The following PTAFR variants were observed in gnomAD, a reference collection of about 807,000 sequenced individuals.
The protein encoded by PTAFR is platelet activating factor receptor.
In PTAFR, 8 loss-of-function variants were observed where a neutral mutation model predicts 14.7. The observed-to-expected ratio is 0.54, with a 90% confidence interval of 0.32 to 0.98. The LOEUF is 0.98. PTAFR is among the 50% of genes least tolerant of loss of function. PTAFR has a pLI of 0.04. For missense variants in PTAFR, 337 were observed against 451.2 expected, an observed-to-expected ratio of 0.75 and a Z score of 2.29; for synonymous variants, 156 against 176.5, an observed-to-expected ratio of 0.88 and a Z score of 0.92.
At chr1:28,193,487 T>A (rs371582754) in intron 1 of PTAFR, among the ~76,000 whole-genome samples, 1 of 151,994 alleles carries the variant, frequency 6.6e-6, no homozygotes, top group African/African-American at 2.4e-5. Flanking sequence ...GTGTGAGGAA[T>A]GCTGCGTCTG....
intron 1 of PTAFR, among the ~76,000 whole-genome samples, chr1:28,158,303 AG>A (rs1646288725): frequency 6.6e-6 from 1 of 152,248 alleles, no homozygotes; most frequent in Non-Finnish European, 1.5e-5. Context: ...ACTGCGGGAC[AG>A]AGGCCTGGAA....
intron 1 of PTAFR, among the ~76,000 whole-genome samples, chr1:28,171,398 T>C (rs1030821880): frequency 1.3e-4 from 20 of 152,024 alleles, no homozygotes; most frequent in Non-Finnish European, 7.4e-5. Context: ...GCTAGGCATA[T>C]AGAAGGTACT....
intron 1 of PTAFR, among the ~76,000 whole-genome samples, chr1:28,193,420 G>A (rs957807058): frequency 7.2e-5 from 11 of 152,010 alleles, no homozygotes; most frequent in African/African-American, 2.4e-4. Flanking sequence ...GGATGATGAG[G>A]GTCTGTTGTG....
chr1:28,181,723 C>T (rs1646564249), intron 1 of PTAFR, among the ~76,000 whole-genome samples: 2 of 151,854 alleles, frequency 1.3e-5, no homozygotes, highest in Admixed American at 1.3e-4. Flanking sequence ...GCCTGGGCAA[C>T]AAGAGCGAAA....
At chr1:28,163,741 G>A (rs1331075628) in intron 1 of PTAFR, among the ~76,000 whole-genome samples, 2 of 152,214 alleles carry the variant, frequency 1.3e-5, no homozygotes, top group Non-Finnish European at 2.9e-5. Context: ...TGGAGCCAGG[G>A]GAGGGGACTG....
At chr1:28,154,192 A>G (rs1278946756) in intron 1 of PTAFR, among the ~76,000 whole-genome samples, 1 of 151,798 alleles carries the variant, frequency 6.6e-6, no homozygotes, top group African/African-American at 2.4e-5. Context: ...GTACTACCTC[A>G]TTTGAGTCTC....
Position 28,149,325 on chromosome 1 carries a change from C to G in PTAFR, c.*668G>C, listed in dbSNP as rs74677855. 2.9e-5 allele frequency: 2 copies of G among 69,554 alleles called. No homozygotes were observed. The highest frequency in any genetic ancestry group is 5.2e-5 in the Non-Finnish European group (2 of 38,788). The allele number at this position is 69,554 out of a possible 1,614,324, so 4.3% of individuals were successfully genotyped here. A position where few individuals can be genotyped will look rare whatever the true frequency, so the allele number is the denominator to read the frequency against. On this transcript the variant is annotated 3_prime_UTR_variant, in exon 2 of 2. Transcript: ENST00000373857. ...ATCACTTGAGAGTAGTTGCCCAAAG[C>G]TTTTTTTTTTTTTTTTTTTTTTTTT...
intron 1 of PTAFR, among the ~76,000 whole-genome samples, chr1:28,175,892 C>G (rs1274351744): frequency 6.6e-6 from 1 of 152,054 alleles, no homozygotes; most frequent in East Asian, 1.9e-4. Context: ...CACAGCTAGT[C>G]AAGTAGATGT....
intron 1 of PTAFR, among the ~76,000 whole-genome samples, chr1:28,164,149 C>T (rs943760746): frequency 2.0e-5 from 3 of 152,116 alleles, no homozygotes; most frequent in Non-Finnish European, 2.9e-5. Context: ...GAGGGACCAT[C>T]GGGAGATGGA....
At chr1:28,180,453 T>C (rs1478868818), upstream of PTAFR, among the ~76,000 whole-genome samples, 1 of 152,148 alleles carries the variant, frequency 6.6e-6, no homozygotes, top group African/African-American at 2.4e-5. Flanking sequence ...AAATAAATAC[T>C]CAAACCTTTC....
intron 1 of PTAFR, among the ~76,000 whole-genome samples, chr1:28,170,624 G>A (rs1314109297): frequency 6.6e-6 from 1 of 151,896 alleles, no homozygotes; most frequent in Non-Finnish European, 1.5e-5. Flanking sequence ...GAGGCTGCAG[G>A]ATCACTTGGG....
chr1:28,192,995 G>A (rs1275616884), intron 1 of PTAFR, among the ~76,000 whole-genome samples: 2 of 152,186 alleles, frequency 1.3e-5, no homozygotes, highest in African/African-American at 4.8e-5. Context: ...TAGTGCGGCT[G>A]GGACCCCCGG....
upstream of PTAFR, among the ~76,000 whole-genome samples, chr1:28,180,792 C>A (rs1305278052): frequency 2.0e-5 from 3 of 150,884 alleles, no homozygotes; most frequent in Non-Finnish European, 2.9e-5. Flanking sequence ...GTGGAATTTG[C>A]TTTAAAATAT....
intron 1 of PTAFR, among the ~76,000 whole-genome samples, chr1:28,173,125 A>AAT (rs1646470104): frequency 6.7e-6 from 1 of 149,942 alleles, no homozygotes; most frequent in Non-Finnish European, 1.5e-5. Flanking sequence ...AAAAAAAAAA[A>AAT]AAAGTTTTTT....
chr1:28,157,017 C>G (rs192060028), intron 1 of PTAFR, among the ~76,000 whole-genome samples: 207 of 152,298 alleles, frequency 1.4e-3, no homozygotes, highest in African/African-American at 4.5e-3. Flanking sequence ...ACCCTGCCTG[C>G]CCACGCCTAT....
chr1:28,175,004 G>A (rs1481883518), intron 1 of PTAFR, among the ~76,000 whole-genome samples: 2 of 152,150 alleles, frequency 1.3e-5, no homozygotes, highest in Non-Finnish European at 2.9e-5. Flanking sequence ...TCAGCTCACT[G>A]CAACCTCCGC....
At chr1:28,188,855 A>G (rs1646627688) in intron 1 of PTAFR, among the ~76,000 whole-genome samples, 1 of 152,216 alleles carries the variant, frequency 6.6e-6, no homozygotes, top group Non-Finnish European at 1.5e-5. Context: ...GAAAAACCCA[A>G]TAGAAAAATG....
intron 1 of PTAFR, among the ~76,000 whole-genome samples, chr1:28,162,552 A>T (rs1646336005): frequency 6.6e-6 from 1 of 152,112 alleles, no homozygotes; most frequent in Admixed American, 6.6e-5. Context: ...TTGGCCGGGC[A>T]TGGTGGCTCA....
At chr1:28,152,574 C>G (rs1646206913) in intron 1 of PTAFR, among the ~76,000 whole-genome samples, 1 of 152,040 alleles carries the variant, frequency 6.6e-6, no homozygotes, top group African/African-American at 2.4e-5. Context: ...GAAACCCTGT[C>G]TCTACTAAAA....
Sources: allele counts gnomAD v4.1 joint callset (sites outside exome capture counted in the v4.1 genomes callset), GRCh38; gene constraint gnomAD v4.1.1; transcripts MANE v1.5; gene names NCBI Gene and HGNC (gene_info 2026-07-23, HGNC 2026-07-21).